The following KATNAL1 variants were observed in gnomAD, a reference collection of about 807,000 sequenced individuals.
KATNAL1 encodes the protein katanin catalytic subunit A1 like 1, also known as katanin p60 ATPase-containing subunit A-like 1.
A neutral mutation model predicts 55.2 loss-of-function variants in KATNAL1; 32 were observed. The observed-to-expected ratio is 0.58, with a 90% CI of 0.44 to 0.78. KATNAL1 has a LOEUF of 0.78. Ranked by LOEUF, KATNAL1 falls within the 30% of genes least tolerant of loss-of-function variation. KATNAL1 has a pLI of 0.00. For missense variants in KATNAL1, 466 were observed against 600.9 expected (o/e 0.78, Z 2.35); for synonymous variants, 193 against 193.6 (o/e 1.00, Z 0.02).
At chr13:30,267,318 T>C (rs569174359) in intron 3 of KATNAL1, among the ~76,000 whole-genome samples, 1 of 152,236 alleles carries the variant, frequency 6.6e-6, no homozygotes, top group East Asian at 1.9e-4. Flanking sequence ...TAAAATAGTG[T>C]CAGTTGAACT....
At chr13:30,280,547 A>C (rs1881204051) in intron 2 of KATNAL1, among the ~76,000 whole-genome samples, 1 of 152,186 alleles carries the variant, frequency 6.6e-6, no homozygotes, top group African/African-American at 2.4e-5. Flanking sequence ...CATTCCAAGA[A>C]ATCTAAAATA....
intron 6 of KATNAL1, 76 bp from the exon 7 acceptor site, chr13:30,231,548 G>A (rs1425942081): frequency 5.5e-6 from 5 of 913,730 alleles, no homozygotes; most frequent in Non-Finnish European, 6.0e-6. Flanking sequence ...AGCTATTAAT[G>A]TACATTGAGA....
intron 6 of KATNAL1, among the ~76,000 whole-genome samples, chr13:30,238,151 C>T (rs1008445455): frequency 3.9e-5 from 6 of 152,198 alleles, no homozygotes; most frequent in Non-Finnish European, 8.8e-5. Flanking sequence ...CAAACACCTA[C>T]AGAAAAAGAA....
In KATNAL1 at chr13:30,202,682, C is replaced by T. The variant is rs2138146215; in HGVS notation, c.*5858G>A. The T allele has an allele frequency of 6.6e-6, 1 of 152,288 alleles. No homozygotes were observed. The highest frequency in any genetic ancestry group is 1.5e-5 in the Non-Finnish European group (1 of 68,028). The allele number at this position is 152,288 out of a possible 1,614,324, so 9.4% of individuals were successfully genotyped here. ...ACCAAATATAACCTATGCACAAACA[C>T]AGCTAAGCTAATGAGATTAGCAAAG... On this transcript the variant is annotated 3_prime_UTR_variant, in exon 11 of 11. Coordinates refer to ENST00000380615, the MANE Select transcript of KATNAL1 (RefSeq NM_032116.5).
At chr13:30,228,274 T>C (rs994912926) in intron 8 of KATNAL1, among the ~76,000 whole-genome samples, 1 of 152,216 alleles carries the variant, frequency 6.6e-6, no homozygotes, top group Non-Finnish European at 1.5e-5. Flanking sequence ...TAAGACTTTC[T>C]AGTCTAGCAT....
At chr13:30,225,047 G>A (rs577888980) in intron 9 of KATNAL1, among the ~76,000 whole-genome samples, 1 of 152,130 alleles carries the variant, frequency 6.6e-6, no homozygotes, top group South Asian at 2.1e-4. Flanking sequence ...TCAGCTCTTG[G>A]TAGTTTCTGC....
chr13:30,231,178 C>G, intron 7 of KATNAL1, 136 bp downstream of exon 7: 1 of 588,740 alleles, frequency 1.7e-6, no homozygotes, highest in East Asian at 3.0e-5. Flanking sequence ...CCCCAATTCT[C>G]ATCAGTGTGT....
chr13:30,278,059 C>G (rs1193610362), intron 3 of KATNAL1, among the ~76,000 whole-genome samples: 1 of 149,790 alleles, frequency 6.7e-6, no homozygotes. Flanking sequence ...GATGAAGGAC[C>G]CACTGTTGTT....
At chr13:30,298,131 T>C (rs918369544) in intron 1 of KATNAL1, among the ~76,000 whole-genome samples, 1 of 152,264 alleles carries the variant, frequency 6.6e-6, no homozygotes, top group African/African-American at 2.4e-5. Flanking sequence ...TTATATGCAC[T>C]GGGAAACCAG....
At position 30,283,616 on chromosome 13, in the gene KATNAL1, C is replaced by G. The variant is rs1881569272; in HGVS notation, c.162G>C (p.Gln54His). 2 of 1,613,562 alleles carry G rather than the reference C, an allele frequency of 1.2e-6. No individual in the cohort carries two copies. The highest frequency in any genetic ancestry group is 1.7e-6 in the Non-Finnish European group (2 of 1,179,734). ...ATCTAATACTTTAATACCATCTTACCTGTTGCCATTTGCCTTTGATAGCTG... is the reference window on the plus strand; with the variant it reads ...ATCTAATACTTTAATACCATCTTACGTGTTGCCATTTGCCTTTGATAGCTG... ...RDPAIKGKWQ[Q>H]VRQELLEEYE... Residue 54 changes from glutamine (Q) to histidine (H), a missense_variant and splice_region_variant, in exon 2 of 11, where the codon CAG (glutamine) becomes CAC (histidine). Transcript: ENST00000380615.
Position 30,230,471 on chromosome 13 carries a change from C to T in KATNAL1, c.1009G>A (p.Asp337Asn). 1 of 1,605,770 alleles carries T rather than the reference C, an allele frequency of 6.2e-7. No homozygotes were observed. The highest frequency in any genetic ancestry group is 8.5e-7 in the Non-Finnish European group (1 of 1,177,392). ...ACAATAATTAAATATCAATTACCATCCATCTGAATGAGCAGTTCAGACTTG... is the reference window on the plus strand; with the variant it reads ...ACAATAATTAAATATCAATTACCATTCATCTGAATGAGCAGTTCAGACTTG... ...RVKSELLIQM[D>N]GVGGALENDD... is the part of the protein sequence containing the mutation. Residue 337 changes from aspartate (D) to asparagine (N), a missense_variant, in exon 8 of 11, where the codon GAT becomes AAT. By Grantham distance (23) the Asp-to-Asn change is conservative (BLOSUM62 1). Coordinates refer to ENST00000380615, the MANE Select transcript of KATNAL1 (RefSeq NM_032116.5).
At chr13:30,251,253 T>TAA (rs35612455) in intron 4 of KATNAL1, among the ~76,000 whole-genome samples, 9 of 151,842 alleles carry the variant, frequency 5.9e-5, no homozygotes, top group African/African-American at 1.2e-4. Flanking sequence ...CCTTCTTAAG[T>TAA]AAAAAAAATC....
At chr13:30,268,905 G>A (rs753165805) in intron 3 of KATNAL1, among the ~76,000 whole-genome samples, 9 of 152,214 alleles carry the variant, frequency 5.9e-5, no homozygotes, top group Non-Finnish European at 1.0e-4. Context: ...AATATTCTTG[G>A]TGCTGGGGGT....
At chr13:30,212,713 G>A (rs1277619591) in intron 9 of KATNAL1, among the ~76,000 whole-genome samples, 1 of 152,212 alleles carries the variant, frequency 6.6e-6, no homozygotes, top group Non-Finnish European at 1.5e-5. Context: ...GTTCACAGTA[G>A]CACTGTTCAT....
chr13:30,289,798 G>A (rs967724174), intron 1 of KATNAL1, among the ~76,000 whole-genome samples: 2 of 152,154 alleles, frequency 1.3e-5, no homozygotes, highest in African/African-American at 4.8e-5. Flanking sequence ...ACTTAAAACA[G>A]TGATTACAGT....
At chr13:30,292,484 G>A (rs1882198380) in intron 1 of KATNAL1, among the ~76,000 whole-genome samples, 1 of 152,022 alleles carries the variant, frequency 6.6e-6, no homozygotes, top group South Asian at 2.1e-4. Context: ...CCTAAGCTTA[G>A]AGAACCTGAA....
chr13:30,285,452 T>C (rs181025350), intron 1 of KATNAL1, among the ~76,000 whole-genome samples: 33 of 152,356 alleles, frequency 2.2e-4, no homozygotes, highest in African/African-American at 7.7e-4. Flanking sequence ...GTATTCCCCC[T>C]GCTGGCATGC....
chr13:30,240,850 G>C, intron 5 of KATNAL1, 109 bp downstream of exon 5: 1 of 975,668 alleles, frequency 1.0e-6, no homozygotes, highest in Non-Finnish European at 1.5e-6. Flanking sequence ...TCATATTATA[G>C]ATGTGGTCAT....
chr13:30,210,486 A>G (rs767331891), intron 9 of KATNAL1, 44 bp from the exon 10 acceptor site: 6 of 1,560,270 alleles, frequency 3.8e-6, no homozygotes, highest in Non-Finnish European at 5.2e-6. Context: ...TTTACTTTAC[A>G]AATAATTTTG....
Sources: allele counts gnomAD v4.1 joint callset (sites outside exome capture counted in the v4.1 genomes callset), GRCh38; gene constraint gnomAD v4.1.1; transcripts MANE v1.5; gene names NCBI Gene and HGNC (gene_info 2026-07-23, HGNC 2026-07-21).